The following ZBTB20 variants were observed in gnomAD, a reference collection of about 807,000 sequenced individuals.
ZBTB20 encodes the protein zinc finger and BTB domain containing 20.
In ZBTB20, 9 loss-of-function variants were observed where a neutral mutation model predicts 56.9. The ratio of observed to expected loss-of-function variants is 0.16; its 90% confidence interval spans 0.10 to 0.28. The LOEUF is 0.28. Ranked by LOEUF, ZBTB20 falls within the 10% of genes least tolerant of loss-of-function variation. The pLI, the probability that ZBTB20 is intolerant of heterozygous loss-of-function variation, is 1.00. For synonymous variants in ZBTB20, 417 were observed against 420.7 expected, an observed-to-expected ratio of 0.99 and a Z score of 0.11; for missense variants, 655 against 1,003.0, an observed-to-expected ratio of 0.65 and a Z score of 4.69.
At chr3:114,429,804 T>A (rs907022865) in intron 7 of ZBTB20, among the ~76,000 whole-genome samples, 2 of 152,100 alleles carry the variant, frequency 1.3e-5, no homozygotes, top group Non-Finnish European at 2.9e-5. Flanking sequence ...TTACATTGCA[T>A]TAGGTATTAT....
At chr3:114,816,273 G>C (rs1489162038) in intron 4 of ZBTB20, among the ~76,000 whole-genome samples, 1 of 152,170 alleles carries the variant, frequency 6.6e-6, no homozygotes, top group East Asian at 1.9e-4. Context: ...TGGGCAAATA[G>C]AGGAAGTATG....
At chr3:114,793,162 G>A (rs762991541) in intron 5 of ZBTB20, among the ~76,000 whole-genome samples, 1 of 152,016 alleles carries the variant, frequency 6.6e-6, no homozygotes, top group Non-Finnish European at 1.5e-5. Context: ...TTACAGGCAT[G>A]AGCCACCGTG....
At chr3:114,587,952 G>A (rs1346036177) in intron 6 of ZBTB20, among the ~76,000 whole-genome samples, 1 of 152,120 alleles carries the variant, frequency 6.6e-6, no homozygotes, top group Non-Finnish European at 1.5e-5. Context: ...TAATGCACTG[G>A]GGAAGAGGTA....
At chr3:114,977,757 G>A (rs1325732429) in intron 2 of ZBTB20, among the ~76,000 whole-genome samples, 1 of 151,886 alleles carries the variant, frequency 6.6e-6, no homozygotes, top group Non-Finnish European at 1.5e-5. Context: ...CATACACAGT[G>A]GTATATAATA....
At chr3:114,563,256 G>T (rs1054791775) in intron 6 of ZBTB20, among the ~76,000 whole-genome samples, 2 of 152,110 alleles carry the variant, frequency 1.3e-5, no homozygotes, top group Non-Finnish European at 2.9e-5. Flanking sequence ...TTTTTGAATA[G>T]CAGATGAGAC....
chr3:114,623,131 T>A (rs1031857778), intron 6 of ZBTB20, among the ~76,000 whole-genome samples: 7 of 152,180 alleles, frequency 4.6e-5, no homozygotes, highest in African/African-American at 1.7e-4. Context: ...TAAGATGGAA[T>A]ACCTCTAGAA....
At chr3:114,763,225 G>C (rs2068556524) in intron 5 of ZBTB20, among the ~76,000 whole-genome samples, 1 of 152,066 alleles carries the variant, frequency 6.6e-6, no homozygotes, top group South Asian at 2.1e-4. Context: ...AGTTTTCTCA[G>C]AGTACTTTAA....
chr3:115,003,589 G>A (rs2079343781), intron 2 of ZBTB20, among the ~76,000 whole-genome samples: 1 of 151,618 alleles, frequency 6.6e-6, no homozygotes, highest in Non-Finnish European at 1.5e-5. Context: ...CAGCAACTTG[G>A]GAGGCTGAGG....
chr3:114,515,429 T>C (rs2045871432), intron 6 of ZBTB20, among the ~76,000 whole-genome samples: 1 of 152,198 alleles, frequency 6.6e-6, no homozygotes, highest in African/African-American at 2.4e-5. Flanking sequence ...TGCTGATCCT[T>C]GCTGGAGAAA....
chr3:114,710,814 A>T (rs931665188), intron 5 of ZBTB20, among the ~76,000 whole-genome samples: 1 of 152,198 alleles, frequency 6.6e-6, no homozygotes, highest in Non-Finnish European at 1.5e-5. Context: ...GAGATCATAC[A>T]TGCTTAAAAA....
intron 2 of ZBTB20, among the ~76,000 whole-genome samples, chr3:115,007,618 T>C (rs1560485766): frequency 1.3e-5 from 2 of 151,860 alleles, no homozygotes; most frequent in Admixed American, 6.6e-5. Flanking sequence ...AAGCATACAA[T>C]AGAAAAGAAA....
intron 2 of ZBTB20, among the ~76,000 whole-genome samples, chr3:115,052,937 A>C (rs2081607751): frequency 6.6e-6 from 1 of 152,192 alleles, no homozygotes; most frequent in Admixed American, 6.5e-5. Flanking sequence ...AATTTCAAAA[A>C]ACGTTTATAG....
At chr3:114,704,393 G>GTATA (rs34993041) in intron 5 of ZBTB20, among the ~76,000 whole-genome samples, 1 of 150,044 alleles carries the variant, frequency 6.7e-6, no homozygotes, top group East Asian at 2.0e-4. Flanking sequence ...CACACATACT[G>GTATA]TATATATATA....
intron 6 of ZBTB20, among the ~76,000 whole-genome samples, chr3:114,607,862 A>C (rs4613424): frequency 0.35 from 52,673 of 152,092 alleles, 9,498 homozygotes; most frequent in Middle Eastern, 0.48. Flanking sequence ...AAATCATCAT[A>C]TATGGTTACA....
At chr3:114,440,653 T>A (rs944729460) in intron 7 of ZBTB20, among the ~76,000 whole-genome samples, 1 of 152,162 alleles carries the variant, frequency 6.6e-6, no homozygotes, top group African/African-American at 2.4e-5. Context: ...TTTAAAAGGA[T>A]AGATAACGCT....
chr3:114,610,293 A>G (rs2057456499), intron 6 of ZBTB20, among the ~76,000 whole-genome samples: 1 of 152,200 alleles, frequency 6.6e-6, no homozygotes, highest in Non-Finnish European at 1.5e-5. Flanking sequence ...TAACAAATGC[A>G]CCCACTAATG....
rs532272722 is a variant in ZBTB20 at position 114,988,605 on chromosome 3, G to A, written c.-506-14189C>T. On this transcript the variant is annotated intron_variant, in intron 2 of 11. Transcript: ENST00000675478. ...CAGCAGCATGATTTATAATCCTTTG[G>A]GTATATACTCAGTAATGAGATGGCT... Among the ~76,000 whole-genome samples, 5 of 152,104 alleles carry A rather than the reference G, an allele frequency of 3.3e-5. No individual in the cohort carries two copies. In the South Asian group the frequency reaches 8.3e-4, roughly 25 times the overall value.
intron 2 of ZBTB20, among the ~76,000 whole-genome samples, chr3:115,051,889 G>C (rs999024568): frequency 6.6e-6 from 1 of 152,002 alleles, no homozygotes; most frequent in African/African-American, 2.4e-5. Context: ...AGCAAGCATG[G>C]CTTACTATGG....
intron 1 of ZBTB20, among the ~76,000 whole-genome samples, chr3:115,127,224 G>A (rs904727785): frequency 6.6e-6 from 1 of 152,146 alleles, no homozygotes; most frequent in African/African-American, 2.4e-5. Flanking sequence ...AACAATAAAC[G>A]TCAAGCCTTG....
Sources: allele counts gnomAD v4.1 joint callset (sites outside exome capture counted in the v4.1 genomes callset), GRCh38; gene constraint gnomAD v4.1.1; transcripts MANE v1.5; gene names NCBI Gene and HGNC (gene_info 2026-07-23, HGNC 2026-07-21).